UBXN4: variants seen among roughly 807,000 people sequenced by gnomAD.
UBXN4 encodes UBX domain protein 4.
UBXN4 carries 35 observed loss-of-function variants against 66.2 expected under a neutral mutation model. The observed-to-expected ratio is 0.53, with a 90% confidence interval of 0.40 to 0.70. The LOEUF (loss-of-function observed/expected upper bound fraction) is 0.70. UBXN4 is among the 30% of genes least tolerant of loss of function. UBXN4 has a pLI of 0.00. For synonymous variants in UBXN4, 203 were observed against 204.5 expected, an observed-to-expected ratio of 0.99 and a Z score of 0.06; for missense variants, 533 against 599.8, an observed-to-expected ratio of 0.89 and a Z score of 1.16.
intron 5 of UBXN4, among the ~76,000 whole-genome samples, chr2:135,757,489 G>C (rs2077285450): frequency 6.6e-6 from 1 of 152,020 alleles, no homozygotes; most frequent in Admixed American, 6.6e-5. Context: ...GAGTTATAAT[G>C]GCTGCTTTAA....
chr2:135,742,035 G>A, intron 1 of UBXN4, 24 bp downstream of exon 1: 1 of 1,610,060 alleles, frequency 6.2e-7, no homozygotes, highest in South Asian at 1.1e-5. Flanking sequence ...GGGTTCGAGA[G>A]GCGGCCGGGA....
chr2:135,752,489 G>A (rs77620960), intron 2 of UBXN4, among the ~76,000 whole-genome samples: 4,875 of 152,104 alleles, frequency 0.032, 241 homozygotes, highest in African/African-American at 0.11. Context: ...GCCTTTTTTT[G>A]TGATTGCATA....
At chr2:135,768,791 G>A (rs1050582994) in intron 6 of UBXN4, among the ~76,000 whole-genome samples, 6 of 151,652 alleles carry the variant, frequency 4.0e-5, no homozygotes, top group Non-Finnish European at 7.4e-5. Flanking sequence ...TCAAACTCCT[G>A]ACCTCAATTG....
chr2:135,776,416 A>G, intron 10 of UBXN4, 65 bp downstream of exon 10: 1 of 1,409,882 alleles, frequency 7.1e-7, no homozygotes, highest in Admixed American at 1.9e-5. Context: ...AGGAAGGGAA[A>G]ATTTCAAAGC....
Position 135,776,371 on chromosome 2 carries a change from T to G in UBXN4, c.1053+20T>G. ...GCACAGGTAAATTTATGTCTTGAGT[T>G]GTAGTAAAAATAGATGTGTAGGTTA... On this transcript the variant is annotated intron_variant, in intron 10 of 12. Transcript: ENST00000272638. The G allele has an allele frequency of 6.3e-7, 1 of 1,592,870 alleles. No homozygotes were observed.
intron 6 of UBXN4, among the ~76,000 whole-genome samples, chr2:135,768,344 G>A (rs564657571): frequency 2.6e-4 from 39 of 151,302 alleles, no homozygotes; most frequent in Non-Finnish European, 3.8e-4. Flanking sequence ...GATTACAGGC[G>A]CATGCCACCA....
chr2:135,782,789 G>T lies in UBXN4; in HGVS notation c.1429G>T (p.Asp477Tyr). The T allele has an allele frequency of 1.2e-6, 2 of 1,613,920 alleles. No individual in the cohort carries two copies. Among genetic ancestry groups the T allele is most frequent in the African/African-American group, 2.7e-5 (2 of 75,010 alleles). The change falls in exon 13 of 13, where the codon GAC becomes TAC. Residue 477 changes from aspartate to tyrosine, a missense_variant. Physicochemically the swap from Asp to Tyr is radical, Grantham distance 160 (BLOSUM62 -3). Transcript: ENST00000272638. ...AAGAGTGCTGGAAAAACGTGGAGAC[G>T]ACTTTAAAAAGGAGGGGAAAATTTA... is the stretch of plus-strand genomic sequence containing the variant. ...RKRVLEKRGD[D>Y]FKKEGKIYRL...
chr2:135,763,420 A>G (rs973806801), intron 6 of UBXN4, among the ~76,000 whole-genome samples: 3 of 152,168 alleles, frequency 2.0e-5, no homozygotes, highest in African/African-American at 7.2e-5. Flanking sequence ...CTGTTGTGTA[A>G]TCTGATATTT....
intron 2 of UBXN4, among the ~76,000 whole-genome samples, chr2:135,751,847 T>C (rs2077244013): frequency 1.3e-5 from 2 of 152,080 alleles, no homozygotes; most frequent in South Asian, 4.1e-4. Flanking sequence ...ATTCTAGTTC[T>C]TAGAAGCATT....
Position 135,770,580 on chromosome 2 carries a change from A to G in UBXN4, c.667A>G (p.Lys223Glu). 6.7e-7 allele frequency: 1 copy of G among 1,495,354 alleles called. No homozygotes were observed. Among genetic ancestry groups the G allele is most frequent in the Non-Finnish European group, 8.9e-7 (1 of 1,121,814 alleles). 92.6% of individuals were successfully genotyped at this position (1,495,354 alleles called of 1,614,324 possible). A position where few individuals can be genotyped will look rare whatever the true frequency, so the allele number is the denominator to read the frequency against. Residue 223 changes from lysine (K) to glutamate (E), a missense_variant, in exon 8 of 13, where the codon AAG becomes GAG. Around this residue, in one of 2 missense-constraint regions of UBXN4, gnomAD observed 529 missense variants for 580.1 expected, o/e 0.91. Transcript: ENST00000272638. Reference sequence around the variant, plus strand: ...TTTTTCTTTAATTCAGAGAGAAATTAAGAAGGAAATTGAGAGGAGAAAAAC... The same window carrying G: ...TTTTTCTTTAATTCAGAGAGAAATTGAGAAGGAAATTGAGAGGAGAAAAAC... ...KRKEEEQREI[K>E]KEIERRKTGK...
intron 2 of UBXN4, 66 bp from the exon 3 acceptor site, chr2:135,753,473 A>C (rs778870121): frequency 8.5e-6 from 12 of 1,406,940 alleles, no homozygotes; most frequent in Non-Finnish European, 1.1e-5. Flanking sequence ...AAATTTTATT[A>C]AAACAACTCA....
intron 9 of UBXN4, 129 bp downstream of exon 9, chr2:135,772,676 C>A: frequency 2.5e-6 from 3 of 1,178,354 alleles, no homozygotes; most frequent in South Asian, 1.5e-5. Context: ...ATTAATTTGA[C>A]AGCTCCCAAT....
intron 2 of UBXN4, among the ~76,000 whole-genome samples, chr2:135,752,869 T>A (rs2077253223): frequency 6.6e-6 from 1 of 151,550 alleles, no homozygotes; most frequent in Non-Finnish European, 1.5e-5. Context: ...TACAGGTGTG[T>A]GCCACCACGC....
intron 5 of UBXN4, among the ~76,000 whole-genome samples, chr2:135,760,458 T>A (rs865847982): frequency 6.6e-6 from 1 of 152,106 alleles, no homozygotes. Flanking sequence ...AATTTATATT[T>A]TACATCTTCA....
Position 135,758,808 on chromosome 2 carries a change from C to T in UBXN4, c.509-3010C>T, listed in dbSNP as rs187886566. ...GAGTCTCACTTTGTTGGCCAGGCTGCAGTGCAGTGGCGTGATCTCGGCTCA... is the reference window on the plus strand; with the variant it reads ...GAGTCTCACTTTGTTGGCCAGGCTGTAGTGCAGTGGCGTGATCTCGGCTCA... On this transcript the variant is annotated intron_variant, in intron 5 of 12. Coordinates refer to ENST00000272638, the MANE Select transcript of UBXN4 (RefSeq NM_014607.4). Among the ~76,000 whole-genome samples, 101 of 151,726 alleles carry T rather than the reference C, an allele frequency of 6.7e-4. 2 individuals are homozygous for T. The East Asian group carries it at 0.016, about 24-fold the overall frequency.
chr2:135,741,900 C>A lies in UBXN4; in HGVS notation c.-30C>A. ...GCTTCGGGACTGCGGAGACTACACA[C>A]CGAGCGAGCGCCTGGGCCCGAAGGG... On this transcript the variant is annotated 5_prime_UTR_variant, in exon 1 of 13. Coordinates refer to ENST00000272638, the MANE Select transcript of UBXN4 (RefSeq NM_014607.4). 11 of 1,601,070 alleles carry A rather than the reference C, an allele frequency of 6.9e-6. No homozygotes were observed. Among genetic ancestry groups the A allele is most frequent in the Non-Finnish European group, 9.4e-6 (11 of 1,174,350 alleles).
rs545652990 is a variant in UBXN4 at position 135,767,018 on chromosome 2, T to C, written c.603-2751T>C. On this transcript the variant is annotated intron_variant, in intron 6 of 12. Transcript: ENST00000272638. ...CATCTGCCCACCCCCGCCCCCTTTT[T>C]CCAGTAAACTACTTATTGGACACCA... is the stretch of plus-strand genomic sequence containing the variant. Among the ~76,000 whole-genome samples the C allele has an allele frequency of 2.4e-4, 37 of 152,118 alleles. 1 individual carries two copies. The South Asian group carries it at 3.7e-3, about 15-fold the overall frequency.
At chr2:135,752,227 T>G (rs2077247095) in intron 2 of UBXN4, among the ~76,000 whole-genome samples, 1 of 152,142 alleles carries the variant, frequency 6.6e-6, no homozygotes, top group Admixed American at 6.5e-5. Context: ...TTTTGTATTT[T>G]CAGTAGAGAG....
chr2:135,781,970 A>G (rs1384356485), intron 12 of UBXN4, among the ~76,000 whole-genome samples: 1 of 152,172 alleles, frequency 6.6e-6, no homozygotes, highest in Non-Finnish European at 1.5e-5. Context: ...GCTGCCTGGG[A>G]AGCTGGGGCA....
Sources: gnomAD v4.1 joint callset for allele counts (sites outside exome capture counted in the v4.1 genomes callset) on GRCh38, gnomAD v4.1.1 for gene constraint, gnomAD v4.1.1 regional missense constraint, MANE v1.5 for transcripts, NCBI Gene and HGNC (gene_info 2026-07-23, HGNC 2026-07-21) for gene names.